Variants in IK observed in about 807,000 individuals in gnomAD.
IK encodes IK cytokine.
A neutral mutation model predicts 90.9 loss-of-function variants in IK; 47 were observed. That is an observed-to-expected ratio of 0.52 (90% CI 0.41 to 0.66). The LOEUF (loss-of-function observed/expected upper bound fraction) is 0.66, where lower values mean the gene tolerates loss of function less well. Ranked by LOEUF, IK falls within the 30% of genes least tolerant of loss-of-function variation. The pLI is 0.00. For synonymous variants in IK, 201 were observed against 227.5 expected, an observed-to-expected ratio of 0.88 and a Z score of 1.05; for missense variants, 385 against 709.3, an observed-to-expected ratio of 0.54 and a Z score of 5.19.
chr5:140,648,418 T>C lies in IK; in HGVS notation c.17-53T>C. ...CACTACTATATCTCAAATTTTTGCA[T>C]AGGATCTGACACGTAAGAGACTGAT... On this transcript the variant is annotated intron_variant, in intron 1 of 19. Transcript: ENST00000417647. 2.6e-6 allele frequency: 4 copies of C among 1,544,324 alleles called. No individual in the cohort carries two copies. The South Asian group carries it at 3.3e-5, about 13-fold the overall frequency.
chr5:140,658,683 T>G (rs1757748961), intron 10 of IK, 54 bp from the exon 11 acceptor site: 6 of 1,403,406 alleles, frequency 4.3e-6, no homozygotes, highest in Non-Finnish European at 6.0e-6. Flanking sequence ...GATGGTGAAG[T>G]TCAGTGGAAA....
chr5:140,653,019 A>C lies in IK; in HGVS notation c.279A>C (p.Arg93Ser). The change falls in exon 5 of 20, where the codon AGA (arginine) becomes AGC (serine). Residue 93 changes from arginine (R) to serine (S), a missense_variant. Coordinates refer to ENST00000417647, the MANE Select transcript of IK (RefSeq NM_006083.4). ...GCCAACAAGAAATTGAGAGAGAGAG[A>C]GAGCTAGCAGAGAAGTACCGGGATC... ...KLRQQEIERE[R>S]ELAEKYRDRA... 2 of 1,613,880 alleles carry C rather than the reference A, an allele frequency of 1.2e-6. No individual in the cohort carries two copies. Among genetic ancestry groups the C allele is most frequent in the Non-Finnish European group, 1.7e-6 (2 of 1,179,852 alleles).
chr5:140,659,482 C>A, intron 13 of IK, 149 bp downstream of exon 13: 1 of 845,876 alleles, frequency 1.2e-6, no homozygotes, highest in Non-Finnish European at 2.0e-6. Flanking sequence ...AGGTGGAGTT[C>A]CCTCCACCTT....
At chr5:140,659,859 T>A in intron 14 of IK, 25 bp downstream of exon 14, 1 of 1,525,658 alleles carries the variant, frequency 6.6e-7, no homozygotes, top group Non-Finnish European at 9.0e-7. Flanking sequence ...AATACGTTCC[T>A]GGGTTCCAGA....
chr5:140,652,285 G>A, intron 4 of IK, 138 bp downstream of exon 4: 1 of 670,124 alleles, frequency 1.5e-6, no homozygotes, highest in South Asian at 1.9e-5. Context: ...GTGATACTTA[G>A]AGTGGCAGTA....
In IK at chr5:140,647,830, C is replaced by T. The variant is rs1381063392; in HGVS notation, c.-79C>T. The T allele has an allele frequency of 4.5e-6, 7 of 1,549,056 alleles. No individual in the cohort carries two copies. Among genetic ancestry groups the T allele is most frequent in the South Asian group, 1.1e-5 (1 of 89,846 alleles). ...AGCAGTGTGGGTTGATTCTGAGGTG[C>T]ACTGTGGGAAAGAGCTTGTCGCTGC... On this transcript the variant is annotated 5_prime_UTR_variant, in exon 1 of 20. Coordinates refer to ENST00000417647, the MANE Select transcript of IK (RefSeq NM_006083.4).
rs1427510261 is a variant in IK at position 140,648,383 on chromosome 5, C to G, written c.17-88C>G. Reference sequence around the variant, plus strand: ...CACTGTCGCTGTTCTAACTTTTGTTCTGTATTGTTCACTACTATATCTCAA... The same window carrying G: ...CACTGTCGCTGTTCTAACTTTTGTTGTGTATTGTTCACTACTATATCTCAA... On this transcript the variant is annotated intron_variant, in intron 1 of 19. Coordinates refer to ENST00000417647, the MANE Select transcript of IK (RefSeq NM_006083.4). 11 of 1,144,920 alleles carry G rather than the reference C, an allele frequency of 9.6e-6. No homozygotes were observed. The African/African-American group carries it at 1.4e-4, about 14-fold the overall frequency. The allele number at this position is 1,144,920 out of a possible 1,614,324, so 70.9% of individuals were successfully genotyped here.
rs1757503456 is a variant in IK, at chr5:140,647,867, T to G, written c.-42T>G. 1.2e-6 allele frequency: 2 copies of G among 1,613,124 alleles called. No homozygotes were observed. Among genetic ancestry groups the G allele is most frequent in the Non-Finnish European group, 8.5e-7 (1 of 1,179,244 alleles). Reference sequence around the variant, plus strand: ...GAGCTTGTCGCTGCGGTGTTGCTGTTGGAGACTCGATTGTTGGTGACAGCG... The same window carrying G: ...GAGCTTGTCGCTGCGGTGTTGCTGTGGGAGACTCGATTGTTGGTGACAGCG... On this transcript the variant is annotated 5_prime_UTR_variant, in exon 1 of 20. Coordinates refer to ENST00000417647, the MANE Select transcript of IK (RefSeq NM_006083.4).
intron 2 of IK, chr5:140,648,868 G>C: frequency 3.4e-6 from 1 of 291,764 alleles, no homozygotes. Context: ...ACTGAGTTTC[G>C]CTCTTGTTGC....
Position 140,655,829 on chromosome 5 carries a change from G to A in IK, c.638G>A (p.Gly213Asp). ...CTTGCTGCTCTTCTCCTTATTGTAGGCCGCAATGTTTACCGAATGCTTTTT... is the reference window on the plus strand; with the variant it reads ...CTTGCTGCTCTTCTCCTTATTGTAGACCGCAATGTTTACCGAATGCTTTTT... ...ENKIEFKTRL[G>D]RNVYRMLFKS... The change falls in exon 9 of 20, where the codon GGC becomes GAC. Residue 213 changes from glycine (G) to aspartate (D), a missense_variant and splice_region_variant. Transcript: ENST00000417647. The A allele has an allele frequency of 1.2e-6, 2 of 1,610,150 alleles. No homozygotes were observed. Among genetic ancestry groups the A allele is most frequent in the Non-Finnish European group, 1.7e-6 (2 of 1,178,224 alleles).
chr5:140,655,361 G>A (rs1757692186), intron 8 of IK, among the ~76,000 whole-genome samples: 1 of 152,044 alleles, frequency 6.6e-6, no homozygotes, highest in African/African-American at 2.4e-5. Context: ...GTAAAAATTG[G>A]GTTACTATTT....
At chr5:140,659,969 C>A in intron 14 of IK, 135 bp downstream of exon 14, 2 of 924,208 alleles carry the variant, frequency 2.2e-6, no homozygotes, top group Non-Finnish European at 3.4e-6. Context: ...ATGAAACCAT[C>A]CCTTGTTCCT....
In IK at chr5:140,647,839, A is replaced by G; in HGVS notation, c.-70A>G. The G allele has an allele frequency of 3.8e-6, 6 of 1,591,722 alleles. No individual in the cohort carries two copies. The highest frequency in any genetic ancestry group is 5.2e-6 in the Non-Finnish European group (6 of 1,159,546). Reference sequence around the variant, plus strand: ...GGTTGATTCTGAGGTGCACTGTGGGAAAGAGCTTGTCGCTGCGGTGTTGCT... The same window carrying G: ...GGTTGATTCTGAGGTGCACTGTGGGGAAGAGCTTGTCGCTGCGGTGTTGCT... On this transcript the variant is annotated 5_prime_UTR_variant, in exon 1 of 20. Transcript: ENST00000417647.
chr5:140,660,401 G>A (rs1420119847), intron 15 of IK: 4 of 533,462 alleles, frequency 7.5e-6, no homozygotes, highest in South Asian at 2.3e-5. Context: ...GGGTTCAAGC[G>A]ATTCTCCTGC....
At chr5:140,660,327 T>TCACTCTG in intron 15 of IK, 132 bp downstream of exon 15, 1 of 553,694 alleles carries the variant, frequency 1.8e-6, no homozygotes, top group East Asian at 3.1e-5. Flanking sequence ...AGACAGAGTC[T>TCACTCTG]CACTCTGTCA....
At chr5:140,654,403 A>G (rs1486433050) in intron 6 of IK, 113 bp from the exon 7 acceptor site, 3 of 856,450 alleles carry the variant, frequency 3.5e-6, no homozygotes, top group Admixed American at 2.6e-5. Context: ...TAGAGTAAGA[A>G]CAATATCTGT....
intron 10 of IK, among the ~76,000 whole-genome samples, chr5:140,658,143 C>G (rs941440627): frequency 6.6e-6 from 1 of 151,418 alleles, no homozygotes; most frequent in Non-Finnish European, 1.5e-5. Context: ...ACTATAGGCA[C>G]TATAGGCACG....
intron 5 of IK, 142 bp downstream of exon 5, chr5:140,653,286 CTT>C (rs58111764): frequency 0.042 from 15,074 of 362,426 alleles, no homozygotes; most frequent in South Asian, 0.06. Context: ...AAGGGCTGTT[CTT>C]TTTTTTTTTT....
chr5:140,656,768 C>A (rs540956754), intron 9 of IK, among the ~76,000 whole-genome samples: 485 of 152,292 alleles, frequency 3.2e-3, no homozygotes, highest in Non-Finnish European at 4.3e-3. Flanking sequence ...GTGTTACAAA[C>A]AATCCATTTA....
Sources: gnomAD v4.1 joint callset for allele counts (sites outside exome capture counted in the v4.1 genomes callset) on GRCh38, gnomAD v4.1.1 for gene constraint, MANE v1.5 for transcripts, NCBI Gene and HGNC (gene_info 2026-07-23, HGNC 2026-07-21) for gene names.